Variants in SHANK2 observed in about 807,000 individuals in gnomAD.
SHANK2 encodes the protein SH3 and multiple ankyrin repeat domains 2, also known as SH3 and multiple ankyrin repeat domains protein 2.
In SHANK2, 43 loss-of-function variants were observed where a neutral mutation model predicts 133.7. The ratio of observed to expected loss-of-function variants is 0.32; its 90% CI spans 0.25 to 0.41. The LOEUF is 0.41. Ranked by LOEUF, SHANK2 falls within the 10% of genes least tolerant of loss-of-function variation. The pLI is 1.00. For synonymous variants in SHANK2, 1,017 were observed against 952.8 expected (o/e 1.07, Z -1.24); for missense variants, 1,994 against 2,235.8 (o/e 0.89, Z 2.18).
chr11:71,179,039 G>T (rs1953499335), intron 2 of SHANK2, among the ~76,000 whole-genome samples: 1 of 152,118 alleles, frequency 6.6e-6, no homozygotes, highest in Non-Finnish European at 1.5e-5. Context: ...TTAATCAAAA[G>T]AAAATTGGAG....
intron 17 of SHANK2, among the ~76,000 whole-genome samples, chr11:70,598,729 C>T (rs140164772): frequency 9.1e-4 from 139 of 152,248 alleles, no homozygotes; most frequent in African/African-American, 3.3e-3. Flanking sequence ...CATGACAAGT[C>T]GGGTTTATCT....
chr11:70,800,025 T>G (rs138032935), intron 13 of SHANK2, among the ~76,000 whole-genome samples: 1,739 of 147,166 alleles, frequency 0.012, 22 homozygotes, highest in African/African-American at 0.038. Context: ...TATCTTAGGG[T>G]TTTTTTTTTG....
rs1289790919 is a variant in SHANK2, at chr11:70,468,711, G to A, written c.*4158C>T. On this transcript the variant is annotated 3_prime_UTR_variant, in exon 26 of 26. Coordinates refer to ENST00000601538, the MANE Select transcript of SHANK2 (RefSeq NM_012309.5). Reference sequence around the variant, plus strand: ...TGGATGGTGAAGCGGGAGAGCTTGAGGGTGAACTACAAAAGATATGAGGAC... The same window carrying A: ...TGGATGGTGAAGCGGGAGAGCTTGAAGGTGAACTACAAAAGATATGAGGAC... 2 of 152,202 alleles carry A rather than the reference G, an allele frequency of 1.3e-5. No individual in the cohort carries two copies. The highest frequency in any genetic ancestry group is 6.5e-5 in the Admixed American group (1 of 15,284). 9.4% of individuals were successfully genotyped at this position (152,202 alleles called of 1,614,324 possible). A position where few individuals can be genotyped will look rare whatever the true frequency, so the allele number is the denominator to read the frequency against.
chr11:70,636,670 CGTGTGAGCAT>C (rs1253329074), intron 17 of SHANK2, among the ~76,000 whole-genome samples: 23 of 146,358 alleles, frequency 1.6e-4, no homozygotes, highest in African/African-American at 5.5e-4. Flanking sequence ...TGTGTGAGCA[CGTGTGAGCAT>C]CTGTGTATGT....
chr11:70,732,458 C>T (rs552429663), intron 14 of SHANK2, among the ~76,000 whole-genome samples: 9 of 152,318 alleles, frequency 5.9e-5, no homozygotes, highest in African/African-American at 9.6e-5. Flanking sequence ...CTTAGAAAGC[C>T]GAACCCATCA....
chr11:71,133,183 T>A (rs1952353718), intron 3 of SHANK2, among the ~76,000 whole-genome samples: 1 of 141,138 alleles, frequency 7.1e-6, no homozygotes, highest in Non-Finnish European at 1.5e-5. Context: ...GGAGGATGAG[T>A]GGATGCATGG....
At chr11:70,903,326 G>A (rs371247829) in intron 10 of SHANK2, among the ~76,000 whole-genome samples, 64 of 151,644 alleles carry the variant, frequency 4.2e-4, no homozygotes, top group Middle Eastern at 3.4e-3. Context: ...GCAGTGAGCT[G>A]AGATTGCACC....
chr11:70,571,329 G>A (rs781816487), intron 17 of SHANK2: 12 of 152,338 alleles, frequency 7.9e-5, no homozygotes, highest in Middle Eastern at 3.4e-3. Context: ...AGTGACTTCC[G>A]GTGATCCACA....
intron 12 of SHANK2, among the ~76,000 whole-genome samples, chr11:70,809,929 G>A (rs781831339): frequency 3.0e-4 from 45 of 152,194 alleles, no homozygotes; most frequent in African/African-American, 9.2e-4. Flanking sequence ...ACTCCTGGGG[G>A]CACAGGTGTC....
chr11:70,898,128 A>C (rs1555076022), intron 10 of SHANK2, among the ~76,000 whole-genome samples: 1 of 151,782 alleles, frequency 6.6e-6, no homozygotes, highest in South Asian at 2.1e-4. Flanking sequence ...ATGTCTGGCT[A>C]ATTAAAAAAA....
intron 9 of SHANK2, among the ~76,000 whole-genome samples, chr11:71,057,108 G>A (rs1212813696): frequency 6.6e-6 from 1 of 152,150 alleles, no homozygotes; most frequent in Non-Finnish European, 1.5e-5. Flanking sequence ...GTCGAGGTGG[G>A]CCAATCACCT....
rs74584175 is a variant in SHANK2 at position 70,619,290 on chromosome 11, G to A, written c.2061+40538C>T. Among the ~76,000 whole-genome samples the A allele has an allele frequency of 3.7e-4, 56 of 152,344 alleles. 1 individual carries two copies. Among genetic ancestry groups the A allele is most frequent in the Non-Finnish European group, 6.3e-4 (43 of 68,036 alleles). The stretch of plus-strand genomic sequence containing the variant: ...CCAGGGCTCAGGAGGCTGAGAGAGC[G>A]GCGTTGGCAGGGCTGGCTCCTTCCG... On this transcript the variant is annotated intron_variant, in intron 17 of 25. Coordinates refer to ENST00000601538, the MANE Select transcript of SHANK2 (RefSeq NM_012309.5).
chr11:70,728,594 TTC>T (rs1241072867), intron 14 of SHANK2, among the ~76,000 whole-genome samples: 1 of 152,164 alleles, frequency 6.6e-6, no homozygotes, highest in Admixed American at 6.5e-5. Context: ...AGATAATGGA[TTC>T]TTACCCAAAC....
At position 70,929,086 on chromosome 11, in the gene SHANK2, G is replaced by A. The variant is rs148802473; in HGVS notation, c.1108-32519C>T. 3.5e-4 allele frequency among the ~76,000 whole-genome samples: 53 copies of A among 152,328 alleles called. 1 individual carries two copies. The Middle Eastern group carries it at 0.024, about 68-fold the overall frequency. ...ACCCACAGGACAGGGAGAACAATGC[G>A]CCCAAGGGCTCGTCACTTCCTTACT... is the stretch of plus-strand genomic sequence containing the variant. On this transcript the variant is annotated intron_variant, in intron 10 of 25. Coordinates refer to ENST00000601538, the MANE Select transcript of SHANK2 (RefSeq NM_012309.5).
In SHANK2 at chr11:70,801,013, C is replaced by T. The variant is rs782588245; in HGVS notation, c.1664-2457G>A. 8.5e-5 allele frequency among the ~76,000 whole-genome samples: 13 copies of T among 152,176 alleles called. 1 individual carries two copies. The highest frequency in any genetic ancestry group is 7.2e-4 in the Admixed American group (11 of 15,270). On this transcript the variant is annotated intron_variant, in intron 13 of 25. Transcript: ENST00000601538. ...TAGCTATGTGATGCTTGGGAAAACT[C>T]GGTCTCTCTGTACCTCGGTTTCCTC...
intron 14 of SHANK2, among the ~76,000 whole-genome samples, chr11:70,792,155 CTAGT>C (rs1947802359): frequency 6.6e-6 from 1 of 151,890 alleles, no homozygotes; most frequent in Non-Finnish European, 1.5e-5. Flanking sequence ...AGTCAGCCAA[CTAGT>C]TAATCAACCA....
intron 12 of SHANK2, among the ~76,000 whole-genome samples, chr11:70,814,354 C>G (rs890782576): frequency 2.6e-5 from 4 of 151,886 alleles, no homozygotes; most frequent in Non-Finnish European, 5.9e-5. Flanking sequence ...TCAGGGCCAC[C>G]GGGAGAGCTC....
At chr11:70,704,965 C>T (rs1945627580) in intron 14 of SHANK2, among the ~76,000 whole-genome samples, 1 of 152,112 alleles carries the variant, frequency 6.6e-6, no homozygotes, top group East Asian at 1.9e-4. Context: ...GTTTTAATTC[C>T]AAATGCAAGA....
chr11:70,626,848 A>G (rs1402900816), intron 17 of SHANK2, among the ~76,000 whole-genome samples: 2 of 152,172 alleles, frequency 1.3e-5, no homozygotes, highest in Non-Finnish European at 2.9e-5. Flanking sequence ...CTGCACCCCA[A>G]GCCACATCAT....
Sources: gnomAD v4.1 joint callset for allele counts (sites outside exome capture counted in the v4.1 genomes callset) on GRCh38, gnomAD v4.1.1 for gene constraint, MANE v1.5 for transcripts, NCBI Gene and HGNC (gene_info 2026-07-23, HGNC 2026-07-21) for gene names.